Variants in MSH6 observed in about 807,000 individuals in gnomAD.
The protein encoded by MSH6 is DNA mismatch repair protein Msh6.
In MSH6, 85 loss-of-function variants were observed where a neutral mutation model predicts 119.1. The ratio of observed to expected loss-of-function variants is 0.71; its 90% CI spans 0.60 to 0.85. The LOEUF is 0.85. MSH6 is among the 40% of genes least tolerant of loss of function. The probability of loss-of-function intolerance (pLI) is 0.00; values close to 1 mark genes in which losing one functional copy is unlikely to be tolerated. For missense variants in MSH6, 2,163 were observed against 1,655.3 expected, an observed-to-expected ratio of 1.31 and a Z score of -5.32; for synonymous variants, 830 against 586.9, an observed-to-expected ratio of 1.41 and a Z score of -5.99.
chr2:47,802,938 G>C (rs1488570173), intron 4 of MSH6, among the ~76,000 whole-genome samples: 1 of 152,068 alleles, frequency 6.6e-6, no homozygotes, highest in Non-Finnish European at 1.5e-5. Context: ...TTTTGAGACA[G>C]AGTCTCTCTG....
At chr2:47,788,909 T>TTTTTTTG (rs1668535258) in intron 1 of MSH6, among the ~76,000 whole-genome samples, 2 of 52,026 alleles carry the variant, frequency 3.8e-5, no homozygotes, top group South Asian at 6.8e-4. Flanking sequence ...TCTTCTTCCT[T>TTTTTTTG]TTTTTTTTTT....
At chr2:47,805,779 A>C (rs1482365320) in intron 7 of MSH6, 72 bp downstream of exon 7, 3 of 1,179,494 alleles carry the variant, frequency 2.5e-6, no homozygotes, top group Non-Finnish European at 3.8e-6. Context: ...ATTTTTATAG[A>C]AGATTATCTG....
At position 47,806,819 on chromosome 2, in the gene MSH6, G is replaced by GA. The variant is rs1670217165; in HGVS notation, c.4044dup (p.Ala1349SerfsTer4). On this transcript the variant is annotated frameshift_variant, in exon 10 of 10. Coordinates refer to ENST00000234420, the MANE Select transcript of MSH6 (RefSeq NM_000179.3). LOFTEE classifies it high-confidence loss of function. ...TAGTGAAAGGTCAACTGTAGATGCT[G>GA]AAGCTGTCCATAAATTGCTGACTTT... 1 of 1,609,500 alleles carries GA rather than the reference G, an allele frequency of 6.2e-7. No individual in the cohort carries two copies. Among genetic ancestry groups the GA allele is most frequent in the African/African-American group, 1.4e-5 (1 of 74,030 alleles).
intron 5 of MSH6, 82 bp from the exon 6 acceptor site, chr2:47,804,828 A>G: frequency 2.9e-6 from 3 of 1,034,884 alleles, no homozygotes; most frequent in Non-Finnish European, 4.6e-6. Context: ...CCTAGCTCTT[A>G]CGTAAGGGTT....
At chr2:47,807,617 C>G (rs1214811594), downstream of MSH6, 1 of 220,122 alleles carries the variant, frequency 4.5e-6, no homozygotes, top group Non-Finnish European at 9.1e-6. Flanking sequence ...TAAAAACAAA[C>G]TACATGAGAT....
downstream of MSH6, chr2:47,809,106 A>G (rs1320710788): frequency 1.7e-6 from 2 of 1,197,030 alleles, no homozygotes; most frequent in African/African-American, 3.1e-5. Flanking sequence ...TGCTAATTTA[A>G]AAAGGAAATC....
chr2:47,804,064 A>G (rs1669796850), intron 5 of MSH6, among the ~76,000 whole-genome samples: 1 of 152,216 alleles, frequency 6.6e-6, no homozygotes, highest in African/African-American at 2.4e-5. Flanking sequence ...AAATGAGGTA[A>G]GAAAGCAAAT....
In MSH6 at chr2:47,788,906, C is replaced by CTTTTTTTTTTTTTTTTTT. The variant is rs1491155839; in HGVS notation, c.261-2021_261-2020insTTTTTTTTTTTTTTTTTT. Reference sequence around the variant, plus strand: ...GCTATTTCTTTCTTTCTTTCTTCTTCCTTTTTTTTTTTTTTGTTTTTTTTT... The same window carrying CTTTTTTTTTTTTTTTTTT: ...GCTATTTCTTTCTTTCTTTCTTCTTCTTTTTTTTTTTTTTTTTTCTTTTTTTTTTTTTTGTTTTTTTTT... On this transcript the variant is annotated intron_variant, in intron 1 of 9. Coordinates refer to ENST00000234420, the MANE Select transcript of MSH6 (RefSeq NM_000179.3). Among the ~76,000 whole-genome samples, 57 of 15,822 alleles carry CTTTTTTTTTTTTTTTTTT rather than the reference C, an allele frequency of 3.6e-3. 9 individuals are homozygous for CTTTTTTTTTTTTTTTTTT. Among genetic ancestry groups the CTTTTTTTTTTTTTTTTTT allele is most frequent in the South Asian group, 0.019 (9 of 486 alleles). The allele number at this position is 15,822 out of a possible 152,430, so 10.4% of individuals were successfully genotyped here.
downstream of MSH6, chr2:47,809,290 A>C: frequency 7.2e-7 from 1 of 1,393,008 alleles, no homozygotes; most frequent in Non-Finnish European, 1.0e-6. Flanking sequence ...AAGAATAAGT[A>C]AAAATTCAGA....
At chr2:47,801,231 TA>T in intron 4 of MSH6, 76 bp downstream of exon 4, 2 of 1,462,810 alleles carry the variant, frequency 1.4e-6, no homozygotes, top group Non-Finnish European at 1.9e-6. Context: ...TCCCTAAAAA[TA>T]AGTAATAAGG....
At position 47,799,915 on chromosome 2, in the gene MSH6, G is replaced by A. The variant is rs34938432; in HGVS notation, c.1932G>A (p.Arg644=). The change falls in exon 4 of 10, where the codon AGG becomes AGA. Residue 644 remains arginine (R), a synonymous_variant. Coordinates refer to ENST00000234420, the MANE Select transcript of MSH6 (RefSeq NM_000179.3). ...LRTLLEEEYF[R]EKLSDGIGVM... ...CTCTCCTTGAGGAAGAATATTTTAG[G>A]GAAAAGCTAAGTGATGGCATTGGGG... 3.1e-6 allele frequency: 5 copies of A among 1,614,126 alleles called. No individual in the cohort carries two copies. Among genetic ancestry groups the A allele is most frequent in the Non-Finnish European group, 4.2e-6 (5 of 1,180,034 alleles).
chr2:47,787,006 A>G lies in MSH6; in HGVS notation c.260+3513A>G, dbSNP rs3136253. 5.7e-3 allele frequency among the ~76,000 whole-genome samples: 875 copies of G among 152,286 alleles called. 4 individuals carry two copies. Among genetic ancestry groups the G allele is most frequent in the Non-Finnish European group, 9.9e-3 (675 of 68,028 alleles). ...TTGTCCTTTTATTTTCTCTGTGGTT[A>G]GTGTTTCTATAGGTTTTATTTAAGA... On this transcript the variant is annotated intron_variant, in intron 1 of 9. Coordinates refer to ENST00000234420, the MANE Select transcript of MSH6 (RefSeq NM_000179.3).
At chr2:47,793,347 A>AAAAAG in intron 2 of MSH6, among the ~76,000 whole-genome samples, 1 of 132,918 alleles carries the variant, frequency 7.5e-6, no homozygotes, top group Non-Finnish European at 1.6e-5. Context: ...AAAAAAAAAA[A>AAAAAG]GGCTGGGCAC....
intron 7 of MSH6, 75 bp from the exon 8 acceptor site, chr2:47,806,129 T>C (rs1179609489): frequency 7.0e-7 from 1 of 1,432,224 alleles, no homozygotes; most frequent in Admixed American, 1.8e-5. Flanking sequence ...TTTTCTGTCC[T>C]AGCATTTTTG....
chr2:47,809,335 G>A, downstream of MSH6: 1 of 1,021,092 alleles, frequency 9.8e-7, no homozygotes, highest in Non-Finnish European at 1.4e-6. Flanking sequence ...AAGATTATAG[G>A]ATTATTCTAA....
chr2:47,788,946 T>TTTTTTTTTG (rs1553409740), intron 1 of MSH6, among the ~76,000 whole-genome samples: 9 of 115,830 alleles, frequency 7.8e-5, no homozygotes, highest in Non-Finnish European at 1.4e-4. Flanking sequence ...TTTTTTTTTT[T>TTTTTTTTTG]TGTGAGACGG....
In MSH6 at chr2:47,806,943, T is replaced by C. The variant is rs1299259554; in HGVS notation, c.*83T>C. 6.6e-6 allele frequency: 7 copies of C among 1,063,756 alleles called. No homozygotes were observed. Among genetic ancestry groups the C allele is most frequent in the Non-Finnish European group, 1.0e-5 (7 of 699,904 alleles). 65.9% of individuals were successfully genotyped at this position (1,063,756 alleles called of 1,614,324 possible). A position where few individuals can be genotyped will look rare whatever the true frequency, so the allele number is the denominator to read the frequency against. On this transcript the variant is annotated 3_prime_UTR_variant, in exon 10 of 10. Transcript: ENST00000234420. ...CATTATGATCTAATAAACTTTATTT[T>C]TTAAAAATGACCATTTTTCCATTTT... is the stretch of plus-strand genomic sequence containing the variant.
chr2:47,788,570 C>CTTTTTTTTTT (rs531963943), intron 1 of MSH6, among the ~76,000 whole-genome samples: 2 of 104,884 alleles, frequency 1.9e-5, no homozygotes, highest in African/African-American at 3.6e-5. Context: ...TTTTCTTTTT[C>CTTTTTTTTTT]TTTTTTTTTT....
At chr2:47,807,101 C>T (rs1008087350), downstream of MSH6, 12 of 499,152 alleles carry the variant, frequency 2.4e-5, no homozygotes, top group African/African-American at 3.9e-5. Flanking sequence ...CCCACTGTCA[C>T]CAATACACAT....
Sources: allele counts gnomAD v4.1 joint callset (sites outside exome capture counted in the v4.1 genomes callset), GRCh38; gene constraint gnomAD v4.1.1; transcripts MANE v1.5; gene names NCBI Gene and HGNC (gene_info 2026-07-23, HGNC 2026-07-21).